The following NTRK2 variants were observed in gnomAD, a reference collection of about 807,000 sequenced individuals.
NTRK2 encodes neurotrophic receptor tyrosine kinase 2.
In NTRK2, 13 loss-of-function variants were observed where a neutral mutation model predicts 94.5. The observed-to-expected ratio is 0.14, with a 90% CI of 0.09 to 0.22. The LOEUF (loss-of-function observed/expected upper bound fraction) is 0.22, where lower values mean the gene tolerates loss of function less well. Ranked by LOEUF, NTRK2 falls within the 10% of genes least tolerant of loss-of-function variation. The probability of loss-of-function intolerance (pLI) is 1.00; values close to 1 mark genes in which losing one functional copy is unlikely to be tolerated. For synonymous variants in NTRK2, 372 were observed against 407.4 expected (o/e 0.91, Z 1.05); for missense variants, 639 against 1,071.2 (o/e 0.60, Z 5.63).
intron 11 of NTRK2, among the ~76,000 whole-genome samples, chr9:84,749,446 C>T (rs959750223): frequency 6.6e-6 from 1 of 152,102 alleles, no homozygotes; most frequent in African/African-American, 2.4e-5. Context: ...TTTTTATTTT[C>T]CTGCCTTCAT....
intron 14 of NTRK2, among the ~76,000 whole-genome samples, chr9:84,922,157 C>G (rs773545937): frequency 6.6e-6 from 1 of 152,084 alleles, no homozygotes; most frequent in African/African-American, 2.4e-5. Context: ...TTGATTCAAC[C>G]GAAATAGTTT....
chr9:84,810,643 G>C, intron 12 of NTRK2: 1 of 1,612,608 alleles, frequency 6.2e-7, no homozygotes, highest in Non-Finnish European at 8.5e-7. Context: ...TGCCATGTAA[G>C]CTGGACTCCT....
chr9:84,876,474 C>T (rs1444594330), intron 14 of NTRK2: 1 of 1,055,114 alleles, frequency 9.5e-7, no homozygotes, highest in Non-Finnish European at 1.1e-6. Flanking sequence ...ATTTGGTCTT[C>T]AGTCTACTAC....
intron 12 of NTRK2, among the ~76,000 whole-genome samples, chr9:84,779,096 G>T (rs1025758083): frequency 6.6e-6 from 1 of 152,154 alleles, no homozygotes; most frequent in Admixed American, 6.6e-5. Flanking sequence ...TTATTTATCA[G>T]ATTTATAAAA....
chr9:84,862,349 C>T (rs1057248820), intron 13 of NTRK2, among the ~76,000 whole-genome samples: 6 of 152,118 alleles, frequency 3.9e-5, no homozygotes, highest in Admixed American at 2.0e-4. Flanking sequence ...AGGTGTATCC[C>T]GTGTGTTTTT....
At chr9:84,717,570 T>C (rs2061779968) in intron 6 of NTRK2, among the ~76,000 whole-genome samples, 1 of 152,236 alleles carries the variant, frequency 6.6e-6, no homozygotes, top group South Asian at 2.1e-4. Context: ...ACTAGCTATT[T>C]AGTCATAATA....
intron 12 of NTRK2, among the ~76,000 whole-genome samples, chr9:84,851,508 A>G (rs1239324092): frequency 6.6e-6 from 1 of 152,208 alleles, no homozygotes; most frequent in Non-Finnish European, 1.5e-5. Context: ...CCATTATGGG[A>G]ACTTCCTAAC....
chr9:84,782,419 A>C (rs1316407913), intron 12 of NTRK2, among the ~76,000 whole-genome samples: 1 of 152,218 alleles, frequency 6.6e-6, no homozygotes, highest in Non-Finnish European at 1.5e-5. Context: ...GGTTGCTGGC[A>C]CGTTCTGCGG....
rs756193187 is a variant in NTRK2 at position 84,903,613 on chromosome 9, T to C, written c.1634-30549T>C. On this transcript the variant is annotated intron_variant, in intron 14 of 18. Transcript: ENST00000277120. ...AGTGTGTTCTTGGAAGGCAGAAAAA[T>C]CTTTCCTTCTTTCTTCTGATGTCCA... 4.6e-5 allele frequency among the ~76,000 whole-genome samples: 7 copies of C among 151,874 alleles called. No individual in the cohort carries two copies. In the South Asian group the frequency reaches 6.2e-4, roughly 14 times the overall value.
chr9:84,830,257 G>A (rs917842174), intron 12 of NTRK2, among the ~76,000 whole-genome samples: 13 of 152,148 alleles, frequency 8.5e-5, no homozygotes, highest in African/African-American at 2.9e-4. Context: ...GTCTGTCCTT[G>A]TTTACCCTCA....
intron 9 of NTRK2, among the ~76,000 whole-genome samples, chr9:84,738,977 G>A (rs1162213486): frequency 6.6e-6 from 1 of 152,154 alleles, no homozygotes; most frequent in African/African-American, 2.4e-5. Flanking sequence ...AACTTGGTAG[G>A]AAAGGCATGC....
Position 85,016,930 on chromosome 9 carries a change from C to T in NTRK2, c.2173-3276C>T, listed in dbSNP as rs147132716. On this transcript the variant is annotated intron_variant, in intron 17 of 18. Transcript: ENST00000277120. ...AGACAGCAAGCAGAAAATAAATGAT[C>T]AGATGAGAAAACATGTAAATCAAAA... 2.1e-4 allele frequency among the ~76,000 whole-genome samples: 32 copies of T among 152,290 alleles called. No homozygotes were observed. The East Asian group carries it at 6.0e-3, about 28-fold the overall frequency.
At chr9:84,987,357 A>AT (rs1478469019) in intron 17 of NTRK2, among the ~76,000 whole-genome samples, 3 of 152,280 alleles carry the variant, frequency 2.0e-5, no homozygotes, top group Admixed American at 6.5e-5. Flanking sequence ...ACACATCCCC[A>AT]TTTTTTTAAG....
intron 12 of NTRK2, among the ~76,000 whole-genome samples, chr9:84,809,882 G>GAAAAAAAA (rs35481612): frequency 2.5e-5 from 3 of 118,748 alleles, no homozygotes; most frequent in Non-Finnish European, 5.1e-5. Flanking sequence ...ACTCTGTCTG[G>GAAAAAAAA]AAAAAAAAAA....
chr9:85,010,158 G>T (rs928017738), intron 17 of NTRK2, among the ~76,000 whole-genome samples: 3 of 152,196 alleles, frequency 2.0e-5, no homozygotes, highest in Admixed American at 6.5e-5. Context: ...TTCTGGCTCT[G>T]TTTACAAATT....
chr9:84,960,698 A>G (rs1824810506), intron 17 of NTRK2, among the ~76,000 whole-genome samples: 1 of 152,214 alleles, frequency 6.6e-6, no homozygotes, highest in Non-Finnish European at 1.5e-5. Context: ...CTCTTAGCAG[A>G]ATAATTGCTC....
intron 14 of NTRK2, among the ~76,000 whole-genome samples, chr9:84,890,376 A>C (rs189666717): frequency 6.6e-6 from 1 of 152,328 alleles, no homozygotes; most frequent in East Asian, 1.9e-4. Flanking sequence ...ATTCTATTAC[A>C]TTTAGAGATT....
rs1313186882 is a variant in NTRK2 at position 85,023,742 on chromosome 9, A to G, written c.*2305A>G. On this transcript the variant is annotated 3_prime_UTR_variant, in exon 19 of 19. Coordinates refer to ENST00000277120, the MANE Select transcript of NTRK2 (RefSeq NM_006180.6). The stretch of plus-strand genomic sequence containing the variant: ...ACACTGTAGAACTCTGTGACGCAGT[A>G]AGGAAGGGGCAGATTTGTACAAAAA... 1 of 231,364 alleles carries G rather than the reference A, an allele frequency of 4.3e-6. No homozygotes were observed. Among genetic ancestry groups the G allele is most frequent in the African/African-American group, 2.2e-5 (1 of 45,236 alleles). 14.3% of individuals were successfully genotyped at this position (231,364 alleles called of 1,614,324 possible).
chr9:84,920,393 T>A (rs1292328748), intron 14 of NTRK2, among the ~76,000 whole-genome samples: 1 of 152,164 alleles, frequency 6.6e-6, no homozygotes, highest in Non-Finnish European at 1.5e-5. Flanking sequence ...GACCTGTCTC[T>A]TTTTGGCCTA....
Sources: allele counts gnomAD v4.1 joint callset (sites outside exome capture counted in the v4.1 genomes callset), GRCh38; gene constraint gnomAD v4.1.1; transcripts MANE v1.5; gene names NCBI Gene and HGNC (gene_info 2026-07-23, HGNC 2026-07-21).